SRP19: variants seen among roughly 807,000 people sequenced by gnomAD.
SRP19 encodes signal recognition particle 19 kDa protein.
SRP19 carries 11 observed loss-of-function variants against 22.4 expected under a neutral mutation model. The ratio of observed to expected loss-of-function variants is 0.49; its 90% CI spans 0.31 to 0.81. The LOEUF is 0.81. Among genes scored for constraint, SRP19 ranks in the 40% least tolerant of loss-of-function variants. The pLI is 0.05. For synonymous variants in SRP19, 61 were observed against 57.6 expected (o/e 1.06, Z -0.27); for missense variants, 168 against 175.9 (o/e 0.96, Z 0.25).
chr5:112,866,712 A>C lies in SRP19; in HGVS notation c.302-692A>C, dbSNP rs1170021317. Among the ~76,000 whole-genome samples the C allele has an allele frequency of 2.0e-5, 3 of 152,236 alleles. No homozygotes were observed. In the South Asian group the frequency reaches 6.2e-4, roughly 31 times the overall value. On this transcript the variant is annotated intron_variant, in intron 4 of 4. Transcript: ENST00000505459. ...TGCTTCAGGTTGTGACTAAGGAGTGACATCATATTCTGATATGTTTTTTCT... is the reference window on the plus strand; with the variant it reads ...TGCTTCAGGTTGTGACTAAGGAGTGCCATCATATTCTGATATGTTTTTTCT...
chr5:112,870,172 G>C (rs977126668), downstream of SRP19, among the ~76,000 whole-genome samples: 3 of 152,156 alleles, frequency 2.0e-5, no homozygotes, highest in Non-Finnish European at 4.4e-5. Context: ...AGCCAAGGCA[G>C]CTAAGGAAGA....
At chr5:112,882,541 A>G (rs1229834329) in intron 4 of SRP19, among the ~76,000 whole-genome samples, 5 of 152,158 alleles carry the variant, frequency 3.3e-5, no homozygotes, top group African/African-American at 1.2e-4. Context: ...AAAAACATAA[A>G]CAAGAACTGG....
rs1469819743 is a variant in SRP19 at position 112,887,248 on chromosome 5, ACT to A, written c.302-4354_302-4353del. The A allele has an allele frequency of 4.4e-6, 6 of 1,366,082 alleles. No individual in the cohort carries two copies. In the African/African-American group the frequency reaches 8.6e-5, roughly 19 times the overall value. The allele number at this position is 1,366,082 out of a possible 1,614,324, so 84.6% of individuals were successfully genotyped here. ...GAGGGGGCACATTCTGAGAATACAC[ACT>A]GTCTTTCACTACTCTGGGGATGGGA... is the stretch of plus-strand genomic sequence containing the variant. On this transcript the variant is annotated intron_variant, in intron 4 of 4. Transcript: ENST00000391338.
intron 4 of SRP19, among the ~76,000 whole-genome samples, chr5:112,891,300 T>C (rs1033374333): frequency 2.0e-5 from 3 of 152,114 alleles, no homozygotes; most frequent in Admixed American, 2.0e-4. Context: ...CTCAAACTCC[T>C]GGCCTCAGGT....
chr5:112,879,767 T>G (rs1049371598), intron 4 of SRP19, among the ~76,000 whole-genome samples: 1 of 151,798 alleles, frequency 6.6e-6, no homozygotes. Flanking sequence ...TAAGCCACCA[T>G]GCCCGGCCTC....
At chr5:112,864,314 A>G (rs10519333) in intron 2 of SRP19, 143 bp from the exon 3 acceptor site, 14,936 of 664,460 alleles carry the variant, frequency 0.022, 697 homozygotes, top group East Asian at 0.15. Flanking sequence ...TAAAATTACA[A>G]TAGAAGCATC....
chr5:112,883,175 T>G (rs184013846), intron 4 of SRP19, among the ~76,000 whole-genome samples: 1 of 152,400 alleles, frequency 6.6e-6, no homozygotes, highest in Non-Finnish European at 1.5e-5. Flanking sequence ...CTTCCAGTTA[T>G]AGCCCCATTC....
At chr5:112,887,402 A>G (rs1768291514) in intron 4 of SRP19, among the ~76,000 whole-genome samples, 1 of 152,206 alleles carries the variant, frequency 6.6e-6, no homozygotes, top group Non-Finnish European at 1.5e-5. Flanking sequence ...TAAAAAACAA[A>G]AGGTAAAACA....
At chr5:112,863,332 G>A (rs549976301) in intron 2 of SRP19, among the ~76,000 whole-genome samples, 2 of 152,242 alleles carry the variant, frequency 1.3e-5, no homozygotes, top group South Asian at 4.1e-4. Context: ...ATATTTGAAT[G>A]TAGTTGAATT....
intron 4 of SRP19, among the ~76,000 whole-genome samples, chr5:112,891,192 C>T (rs373116274): frequency 1.4e-5 from 2 of 142,014 alleles, no homozygotes; most frequent in Admixed American, 7.1e-5. Context: ...CCTGCCTCAG[C>T]CTCCCAAGTA....
intron 4 of SRP19, chr5:112,876,669 C>T (rs1360217872): frequency 2.0e-5 from 3 of 152,142 alleles, no homozygotes; most frequent in Non-Finnish European, 4.4e-5. Context: ...TGTTTTCTAG[C>T]CAGGCACAGG....
chr5:112,885,423 G>GA (rs1768213312), intron 4 of SRP19: 1 of 192,020 alleles, frequency 5.2e-6, no homozygotes, highest in Non-Finnish European at 1.1e-5. Context: ...AGCACTTGGG[G>GA]ATGGATGCTC....
Position 112,868,253 on chromosome 5 carries a change from A to G in SRP19, c.*716A>G, listed in dbSNP as rs1767672564. On this transcript the variant is annotated 3_prime_UTR_variant, in exon 5 of 5. Coordinates refer to ENST00000505459, the MANE Select transcript of SRP19 (RefSeq NM_003135.3). ...ACTTTCCTTCAACAAATGAAATTGG[A>G]TTGGTGCTCCAGAATTTCAGAGCGG... is the stretch of plus-strand genomic sequence containing the variant. 1 of 985,342 alleles carries G rather than the reference A, an allele frequency of 1.0e-6. No homozygotes were observed. The highest frequency in any genetic ancestry group is 6.2e-5 in the Admixed American group (1 of 16,260). The allele number at this position is 985,342 out of a possible 1,614,324, so 61.0% of individuals were successfully genotyped here. A position where few individuals can be genotyped will look rare whatever the true frequency, so the allele number is the denominator to read the frequency against.
At chr5:112,875,346 A>G (rs2150030587) in intron 4 of SRP19, among the ~76,000 whole-genome samples, 1 of 150,382 alleles carries the variant, frequency 6.6e-6, no homozygotes, top group South Asian at 2.2e-4. Context: ...GCATACCTTC[A>G]GAAGTACGTT....
chr5:112,865,853 A>G (rs879687978), intron 4 of SRP19, among the ~76,000 whole-genome samples: 2 of 152,036 alleles, frequency 1.3e-5, no homozygotes, highest in African/African-American at 2.4e-5. Flanking sequence ...CGGCCTCCCA[A>G]AGTGCTGGGA....
At chr5:112,893,748 A>G (rs147803305), downstream of SRP19, 4 of 152,354 alleles carry the variant, frequency 2.6e-5, no homozygotes, top group African/African-American at 7.2e-5. Flanking sequence ...CACACACACA[A>G]TGGTAGACTA....
chr5:112,892,544 T>G (rs1768510338), exon 5 of SRP19: 2 of 1,614,102 alleles, frequency 1.2e-6, no homozygotes, highest in Non-Finnish European at 8.5e-7. Context: ...GGACGACAGC[T>G]GCAATGTGAA....
chr5:112,891,631 G>A, exon 5 of SRP19: 1 of 1,595,870 alleles, frequency 6.3e-7, no homozygotes, highest in Non-Finnish European at 8.5e-7. Context: ...GTCAGGCGGT[G>A]CTGGCAAGAT....
At chr5:112,891,465 TA>T in intron 4 of SRP19, 1 of 814,196 alleles carries the variant, frequency 1.2e-6, no homozygotes, top group Non-Finnish European at 1.8e-6. Context: ...AACTGCAATA[TA>T]AAGGAGAAAC....
Sources: allele counts gnomAD v4.1 joint callset (sites outside exome capture counted in the v4.1 genomes callset), GRCh38; gene constraint gnomAD v4.1.1; transcripts MANE v1.5; gene names NCBI Gene and HGNC (gene_info 2026-07-23, HGNC 2026-07-21).